The following GRIA2 variants were observed in gnomAD, a reference collection of about 807,000 sequenced individuals.
GRIA2 encodes glutamate ionotropic receptor AMPA type subunit 2, also known as glutamate receptor 2.
Under a neutral mutation model 97.3 loss-of-function variants are expected in GRIA2, and 14 were observed. The ratio of observed to expected loss-of-function variants is 0.14; its 90% CI spans 0.10 to 0.23. GRIA2 has a LOEUF of 0.23. GRIA2 is among the 10% of genes least tolerant of loss of function. GRIA2 has a pLI of 1.00. For missense variants in GRIA2, 558 were observed against 1,069.8 expected (o/e 0.52, Z 6.67); for synonymous variants, 412 against 387.8 (o/e 1.06, Z -0.73).
chr4:157,240,039 C>T (rs1730434027), intron 2 of GRIA2, among the ~76,000 whole-genome samples: 1 of 151,966 alleles, frequency 6.6e-6, no homozygotes, highest in Admixed American at 6.6e-5. Context: ...TTGTGGTTGA[C>T]CATGTAATTA....
chr4:157,281,907 A>C (rs1365717458), intron 2 of GRIA2, among the ~76,000 whole-genome samples: 4 of 151,970 alleles, frequency 2.6e-5, no homozygotes, highest in African/African-American at 9.7e-5. Context: ...TCTTTCTTGT[A>C]CCTTCTCATA....
chr4:157,252,865 C>T (rs1377560153), intron 2 of GRIA2, among the ~76,000 whole-genome samples: 1 of 151,992 alleles, frequency 6.6e-6, no homozygotes, highest in Non-Finnish European at 1.5e-5. Flanking sequence ...TAACAAAATA[C>T]TCTCTACATT....
intron 2 of GRIA2, among the ~76,000 whole-genome samples, chr4:157,228,790 C>CA (rs5863257): frequency 0.85 from 33,872 of 39,790 alleles, 14,666 homozygotes; most frequent in East Asian, 0.96. Context: ...GATTCCATCT[C>CA]AAAAAAAAAA....
intron 2 of GRIA2, among the ~76,000 whole-genome samples, chr4:157,234,335 AAACTTCTTT>A (rs1730149300): frequency 6.6e-6 from 1 of 152,100 alleles, no homozygotes; most frequent in South Asian, 2.1e-4. Flanking sequence ...TCAAAATAAT[AAACTTCTTT>A]AATATAATAC....
chr4:157,245,525 T>C (rs932260306), intron 2 of GRIA2, among the ~76,000 whole-genome samples: 1 of 152,018 alleles, frequency 6.6e-6, no homozygotes, highest in African/African-American at 2.4e-5. Context: ...TGTTAAAATC[T>C]AATAACTTTG....
At chr4:157,347,321 G>A (rs1354437518) in intron 12 of GRIA2, among the ~76,000 whole-genome samples, 1 of 152,124 alleles carries the variant, frequency 6.6e-6, no homozygotes, top group Non-Finnish European at 1.5e-5. Context: ...ATGTCAATGT[G>A]CTCTGTAACC....
At chr4:157,267,524 G>A (rs1040659470) in intron 2 of GRIA2, among the ~76,000 whole-genome samples, 12 of 151,904 alleles carry the variant, frequency 7.9e-5, no homozygotes, top group African/African-American at 2.9e-4. Flanking sequence ...TCATCCTGCT[G>A]CTGTTATTGA....
intron 4 of GRIA2, among the ~76,000 whole-genome samples, chr4:157,313,297 G>T (rs546693279): frequency 2.0e-5 from 3 of 152,156 alleles, no homozygotes; most frequent in Admixed American, 2.0e-4. Flanking sequence ...GACCATCTAT[G>T]CCTCCAGAAA....
intron 2 of GRIA2, among the ~76,000 whole-genome samples, chr4:157,282,241 G>A (rs1278838133): frequency 1.3e-5 from 2 of 152,204 alleles, no homozygotes; most frequent in Middle Eastern, 3.4e-3. Flanking sequence ...TCACATGGCC[G>A]AACCCAGAGC....
intron 2 of GRIA2, among the ~76,000 whole-genome samples, chr4:157,250,847 C>CA (rs1561010785): frequency 3.3e-5 from 5 of 152,104 alleles, no homozygotes; most frequent in Non-Finnish European, 7.4e-5. Context: ...TCACATACTT[C>CA]ATGATCCCAG....
At chr4:157,295,850 T>A (rs1295107158) in intron 2 of GRIA2, among the ~76,000 whole-genome samples, 1 of 152,160 alleles carries the variant, frequency 6.6e-6, no homozygotes, top group Admixed American at 6.6e-5. Flanking sequence ...AATAATTGTA[T>A]TTTTAGGGGA....
intron 12 of GRIA2, among the ~76,000 whole-genome samples, chr4:157,358,674 C>T (rs1187616896): frequency 6.6e-6 from 1 of 152,070 alleles, no homozygotes; most frequent in East Asian, 1.9e-4. Flanking sequence ...GTGAGAAACA[C>T]AACTTAAGTC....
intron 1 of GRIA2, 127 bp from the exon 2 acceptor site, chr4:157,221,540 T>C (rs2126668788): frequency 1.1e-6 from 1 of 927,682 alleles, no homozygotes; most frequent in East Asian, 2.4e-5. Context: ...TCCGAGTCCG[T>C]AGGTGTGTTT....
At chr4:157,315,875 GTTA>G (rs938094652) in intron 4 of GRIA2, among the ~76,000 whole-genome samples, 6 of 152,072 alleles carry the variant, frequency 3.9e-5, no homozygotes, top group Non-Finnish European at 7.4e-5. Context: ...CAGATTTCTA[GTTA>G]TTATTAGGTG....
intron 12 of GRIA2, 95 bp downstream of exon 12, chr4:157,341,557 G>A (rs1347812780): frequency 7.5e-6 from 6 of 798,590 alleles, no homozygotes; most frequent in Non-Finnish European, 8.6e-6. Context: ...AAGGTACTAT[G>A]TGAAAGCACC....
intron 2 of GRIA2, among the ~76,000 whole-genome samples, chr4:157,275,564 T>C (rs1440487007): frequency 1.3e-5 from 2 of 152,162 alleles, no homozygotes; most frequent in East Asian, 3.9e-4. Context: ...AAGGAAGGGA[T>C]CCAGTTTCAG....
At chr4:157,341,981 T>G (rs1189966429) in intron 12 of GRIA2, 2 of 207,166 alleles carry the variant, frequency 9.7e-6, no homozygotes, top group Non-Finnish European at 1.7e-5. Context: ...ACTTTTAAAA[T>G]ATGTAGTATA....
rs779674780 is a variant in GRIA2, at chr4:157,221,004, A to C, written c.-39A>C. ...AGAAGGAAGAGGAGGAAAAGGAAAA[A>C]AAAAGGGGTATATTGTGGATGCTCT... is the stretch of plus-strand genomic sequence containing the variant. On this transcript the variant is annotated 5_prime_UTR_variant, in exon 1 of 16. Transcript: ENST00000264426. The C allele has an allele frequency of 3.0e-6, 3 of 998,364 alleles. No individual in the cohort carries two copies. In the East Asian group the frequency reaches 7.1e-5, roughly 24 times the overall value. The allele number at this position is 998,364 out of a possible 1,614,324, so 61.8% of individuals were successfully genotyped here.
chr4:157,251,564 A>G (rs917996346), intron 2 of GRIA2, among the ~76,000 whole-genome samples: 1 of 151,984 alleles, frequency 6.6e-6, no homozygotes, highest in African/African-American at 2.4e-5. Context: ...TATTAATTTT[A>G]CTTCATTTTT....
Sources: gnomAD v4.1 joint callset for allele counts (sites outside exome capture counted in the v4.1 genomes callset) on GRCh38, gnomAD v4.1.1 for gene constraint, MANE v1.5 for transcripts, NCBI Gene and HGNC (gene_info 2026-07-23, HGNC 2026-07-21) for gene names.